AKAP13: variants seen among roughly 807,000 people sequenced by gnomAD.
AKAP13 encodes the protein A-kinase anchor protein 13.
A neutral mutation model predicts 264.5 loss-of-function variants in AKAP13; 80 were observed. The ratio of observed to expected loss-of-function variants is 0.30; its 90% confidence interval spans 0.25 to 0.36. AKAP13 has a LOEUF of 0.36. Among genes scored for constraint, AKAP13 ranks in the 10% least tolerant of loss-of-function variants. The pLI is 1.00. For missense variants in AKAP13, 3,712 were observed against 3,435.2 expected (o/e 1.08, Z -2.01); for synonymous variants, 1,380 against 1,250.2 (o/e 1.10, Z -2.19).
At chr15:85,623,817 C>T (rs1013558691) in intron 8 of AKAP13, among the ~76,000 whole-genome samples, 5 of 152,206 alleles carry the variant, frequency 3.3e-5, no homozygotes, top group African/African-American at 1.2e-4. Context: ...GATGCATGCA[C>T]TTCTGACTCT....
chr15:85,606,970 C>T (rs1253966686), intron 8 of AKAP13, among the ~76,000 whole-genome samples: 2 of 152,042 alleles, frequency 1.3e-5, no homozygotes, highest in Non-Finnish European at 2.9e-5. Context: ...AAGTTCAATC[C>T]AAATTAGGCA....
chr15:85,408,376 T>G (rs1338361459), intron 1 of AKAP13, among the ~76,000 whole-genome samples: 2 of 151,840 alleles, frequency 1.3e-5, no homozygotes, highest in Admixed American at 1.3e-4. Flanking sequence ...GGCAGTGGCA[T>G]TTAGCTCTTT....
chr15:85,458,532 C>T (rs1028359726), intron 1 of AKAP13, among the ~76,000 whole-genome samples: 3 of 151,208 alleles, frequency 2.0e-5, no homozygotes, highest in Non-Finnish European at 4.4e-5. Context: ...AATCATTCTC[C>T]TAATGTTATA....
chr15:85,489,520 C>T (rs1293808362), intron 2 of AKAP13, among the ~76,000 whole-genome samples: 1 of 152,056 alleles, frequency 6.6e-6, no homozygotes, highest in Non-Finnish European at 1.5e-5. Context: ...GCTCATTGAG[C>T]AGGGTGGTGG....
chr15:85,543,704 C>T lies in AKAP13; in HGVS notation c.479-68C>T. ...AGGCAGTGGTGTTTACATAACTTGT[C>T]TTTATGTTTGTTTGTTTTTTGTTTT... On this transcript the variant is annotated intron_variant, in intron 4 of 36. Coordinates refer to ENST00000394518, the MANE Select transcript of AKAP13 (RefSeq NM_007200.5). 3 of 1,484,224 alleles carry T rather than the reference C, an allele frequency of 2.0e-6. No individual in the cohort carries two copies. In the South Asian group the frequency reaches 4.0e-5, roughly 20 times the overall value. The allele number at this position is 1,484,224 out of a possible 1,614,324, so 91.9% of individuals were successfully genotyped here. A position where few individuals can be genotyped will look rare whatever the true frequency, so the allele number is the denominator to read the frequency against.
intron 1 of AKAP13, among the ~76,000 whole-genome samples, chr15:85,383,609 A>G (rs16977252): frequency 0.21 from 32,215 of 152,194 alleles, 3,701 homozygotes; most frequent in East Asian, 0.31. Flanking sequence ...TATTTCTTCA[A>G]AGGTGCCAGA....
chr15:85,630,234 A>AACACACACACACACAC (rs71141472), intron 8 of AKAP13, among the ~76,000 whole-genome samples: 10,467 of 118,858 alleles, frequency 0.088, 633 homozygotes, highest in East Asian at 0.2. Flanking sequence ...GGAAAATTGT[A>AACACACACACACACAC]ACACACACAC....
intron 2 of AKAP13, among the ~76,000 whole-genome samples, chr15:85,495,092 C>A (rs2075833693): frequency 6.6e-6 from 1 of 152,088 alleles, no homozygotes; most frequent in Non-Finnish European, 1.5e-5. Flanking sequence ...TCAGTAATAG[C>A]CATCTCAATA....
At chr15:85,734,860 A>T in intron 30 of AKAP13, 132 bp from the exon 31 acceptor site, 1 of 1,245,060 alleles carries the variant, frequency 8.0e-7, no homozygotes, top group Non-Finnish European at 1.1e-6. Context: ...CCCTTCTCTG[A>T]GCAAAGGAAC....
At chr15:85,666,458 G>GT (rs1340446589) in intron 13 of AKAP13, among the ~76,000 whole-genome samples, 1 of 298 alleles carries the variant, frequency 3.4e-3, no homozygotes, top group Non-Finnish European at 6.4e-3. Context: ...AAAATTTTCT[G>GT]CCTTCTGTAG....
At chr15:85,458,223 C>A (rs1015824522) in intron 1 of AKAP13, among the ~76,000 whole-genome samples, 5 of 151,080 alleles carry the variant, frequency 3.3e-5, no homozygotes, top group African/African-American at 1.2e-4. Flanking sequence ...TTTAGTAATA[C>A]ATGTTTGTTA....
At chr15:85,567,397 C>T (rs1405109768) in intron 5 of AKAP13, among the ~76,000 whole-genome samples, 13 of 152,308 alleles carry the variant, frequency 8.5e-5, no homozygotes, top group South Asian at 6.2e-4. Context: ...TGAGCCACCA[C>T]GCCCAGCCAC....
intron 12 of AKAP13, among the ~76,000 whole-genome samples, chr15:85,658,965 A>G (rs141718823): frequency 6.6e-6 from 1 of 152,150 alleles, no homozygotes; most frequent in Non-Finnish European, 1.5e-5. Context: ...CTTTTCCACA[A>G]AAGAAAAACC....
chr15:85,449,545 G>T (rs550045417), intron 1 of AKAP13, among the ~76,000 whole-genome samples: 2 of 152,140 alleles, frequency 1.3e-5, no homozygotes. Context: ...TCAGTATGAT[G>T]TTGGCTGTGG....
chr15:85,392,511 C>T (rs1358769970), intron 1 of AKAP13, among the ~76,000 whole-genome samples: 3 of 152,200 alleles, frequency 2.0e-5, no homozygotes, highest in Non-Finnish European at 4.4e-5. Context: ...CCTTGGCCTC[C>T]CAAAGTGCTG....
intron 12 of AKAP13, chr15:85,662,333 C>T (rs1052847308): frequency 1.3e-6 from 2 of 1,584,562 alleles, no homozygotes; most frequent in Admixed American, 3.3e-5. Flanking sequence ...TAACCCCATT[C>T]CTGTTTCCTC....
chr15:85,411,053 CTT>C (rs1350845900), intron 1 of AKAP13, among the ~76,000 whole-genome samples: 1 of 152,146 alleles, frequency 6.6e-6, no homozygotes, highest in Admixed American at 6.5e-5. Context: ...TCCTGAGACT[CTT>C]TCAGTGAGTC....
intron 2 of AKAP13, 51 bp from the exon 3 acceptor site, chr15:85,521,377 G>A (rs1203805315): frequency 6.3e-7 from 1 of 1,593,166 alleles, no homozygotes; most frequent in East Asian, 2.2e-5. Context: ...AAGATAGGCT[G>A]CGAAGAGGAA....
At chr15:85,497,721 T>A (rs2075911577) in intron 2 of AKAP13, among the ~76,000 whole-genome samples, 1 of 152,210 alleles carries the variant, frequency 6.6e-6, no homozygotes, top group Non-Finnish European at 1.5e-5. Flanking sequence ...AGCTAGTGGC[T>A]ACCATACTGA....
Sources: allele counts gnomAD v4.1 joint callset (sites outside exome capture counted in the v4.1 genomes callset), GRCh38; gene constraint gnomAD v4.1.1; transcripts MANE v1.5; gene names NCBI Gene and HGNC (gene_info 2026-07-23, HGNC 2026-07-21).